Variants in AGBL4 observed in about 807,000 individuals in gnomAD.
AGBL4 encodes the protein cytosolic carboxypeptidase 6.
A neutral mutation model predicts 66.4 loss-of-function variants in AGBL4; 58 were observed. That is an observed-to-expected ratio of 0.87 (90% confidence interval 0.71 to 1.09). The LOEUF is 1.09. Among genes scored for constraint, AGBL4 ranks in the 50% least tolerant of loss-of-function variants. The pLI, the probability that AGBL4 is intolerant of heterozygous loss-of-function variation, is 0.00. For synonymous variants in AGBL4, 234 were observed against 222.9 expected (o/e 1.05, Z -0.44); for missense variants, 579 against 631.0 (o/e 0.92, Z 0.88).
Position 48,590,827 on chromosome 1 carries a change from G to C in AGBL4, c.1104+6C>G. The C allele has an allele frequency of 6.3e-7, 1 of 1,594,562 alleles. No individual in the cohort carries two copies. On this transcript the variant is annotated splice_donor_region_variant and intron_variant, in intron 10 of 13. Transcript: ENST00000371839. Reference sequence around the variant, plus strand: ...GGGGCTGGCTGAGAGAGAACTCCTGGCTTACATAGGAGAAGTCCTCAGCAT... The same window carrying C: ...GGGGCTGGCTGAGAGAGAACTCCTGCCTTACATAGGAGAAGTCCTCAGCAT...
At chr1:48,600,960 C>T (rs915664359) in intron 9 of AGBL4, among the ~76,000 whole-genome samples, 2 of 152,184 alleles carry the variant, frequency 1.3e-5, no homozygotes, top group African/African-American at 4.8e-5. Context: ...TGCTTCCATT[C>T]CCTTTCTCCA....
chr1:49,946,142 A>G (rs1202507822), intron 1 of AGBL4, among the ~76,000 whole-genome samples: 6 of 151,322 alleles, frequency 4.0e-5, no homozygotes, highest in Non-Finnish European at 8.9e-5. Flanking sequence ...ACAGCACTAG[A>G]CAGGTCAAGA....
At chr1:49,730,638 C>T (rs1296162255) in intron 2 of AGBL4, among the ~76,000 whole-genome samples, 1 of 152,144 alleles carries the variant, frequency 6.6e-6, no homozygotes, top group African/African-American at 2.4e-5. Flanking sequence ...GATGCTGGCA[C>T]CCAAGATGGA....
intron 3 of AGBL4, among the ~76,000 whole-genome samples, chr1:49,315,562 C>T (rs1645025338): frequency 6.6e-6 from 1 of 152,012 alleles, no homozygotes; most frequent in Non-Finnish European, 1.5e-5. Context: ...AAAACAACCC[C>T]ATCAAAAAGT....
chr1:49,481,745 G>A (rs1244328884), intron 3 of AGBL4, among the ~76,000 whole-genome samples: 3 of 151,868 alleles, frequency 2.0e-5, no homozygotes, highest in African/African-American at 4.8e-5. Flanking sequence ...CATTCAGTAT[G>A]GTGTTGGCCG....
rs1171374859 is a variant in AGBL4, at chr1:49,530,273, C to CAAAAAAAAAAAAAAA, written c.282+167039_282+167040insTTTTTTTTTTTTTTT. Among the ~76,000 whole-genome samples, 3 of 111,928 alleles carry CAAAAAAAAAAAAAAA rather than the reference C, an allele frequency of 2.7e-5. 1 individual carries two copies. Among genetic ancestry groups the CAAAAAAAAAAAAAAA allele is most frequent in the African/African-American group, 3.6e-5 (1 of 27,694 alleles). 73.4% of individuals were successfully genotyped at this position (111,928 alleles called of 152,430 possible). A position where few individuals can be genotyped will look rare whatever the true frequency, so the allele number is the denominator to read the frequency against. Reference sequence around the variant, plus strand: ...AGTAGAATTTGTAAAAAAAAAAAAACAAAAAAAAACTCTATGAGTTTTTTT... The same window carrying CAAAAAAAAAAAAAAA: ...AGTAGAATTTGTAAAAAAAAAAAAACAAAAAAAAAAAAAAAAAAAAAAAACTCTATGAGTTTTTTT... On this transcript the variant is annotated intron_variant, in intron 3 of 13. Transcript: ENST00000371839.
intron 5 of AGBL4, among the ~76,000 whole-genome samples, chr1:48,892,590 C>T (rs547434164): frequency 1.3e-5 from 2 of 152,310 alleles, no homozygotes; most frequent in Admixed American, 6.5e-5. Context: ...CGGGGCAACA[C>T]TTGAAGCGGG....
At chr1:49,815,514 T>A (rs914939459) in intron 2 of AGBL4, among the ~76,000 whole-genome samples, 7 of 152,186 alleles carry the variant, frequency 4.6e-5, no homozygotes, top group Non-Finnish European at 8.8e-5. Flanking sequence ...ACTGATTTCC[T>A]CTCTTTGGGG....
Position 48,587,017 on chromosome 1 carries a change from G to A in AGBL4, c.1254C>T (p.Tyr418=), listed in dbSNP as rs1644832701. Residue 418 remains tyrosine, a synonymous_variant, in exon 11 of 14, where the codon TAC becomes TAT. Transcript: ENST00000371839. Reference sequence around the variant, plus strand: ...GACTAAGGATACAGGCTTCTTCAGTGTAGGGCACAGCAGCCGTGGTGCCAC... The same window carrying A: ...GACTAAGGATACAGGCTTCTTCAGTATAGGGCACAGCAGCCGTGGTGCCAC... The part of the protein sequence containing the change: ...IISGTTAAVP[Y]TEEAYMKLGR... The A allele has an allele frequency of 1.2e-6, 2 of 1,610,256 alleles. No homozygotes were observed. The highest frequency in any genetic ancestry group is 1.7e-6 in the Non-Finnish European group (2 of 1,178,512).
chr1:48,617,935 T>C (rs1645346919), intron 9 of AGBL4, among the ~76,000 whole-genome samples: 2 of 152,232 alleles, frequency 1.3e-5, no homozygotes, highest in African/African-American at 4.8e-5. Context: ...TTGCCACTCC[T>C]GTTCCTCTCT....
At chr1:49,650,885 C>T (rs1645990532) in intron 3 of AGBL4, among the ~76,000 whole-genome samples, 1 of 152,160 alleles carries the variant, frequency 6.6e-6, no homozygotes, top group Non-Finnish European at 1.5e-5. Flanking sequence ...GCTTTCTCTG[C>T]TGGGGGCTGA....
chr1:48,644,481 A>G (rs1645804337), intron 8 of AGBL4, among the ~76,000 whole-genome samples: 1 of 152,164 alleles, frequency 6.6e-6, no homozygotes, highest in Admixed American at 6.5e-5. Context: ...AGCCCACCTC[A>G]TATTCCCCAG....
At position 49,944,852 on chromosome 1, in the gene AGBL4, G is replaced by T. The variant is rs138120723; in HGVS notation, c.34+78911C>A. ...GAGGGGAGAAATCTTCAGTGAAATA[G>T]ATAGCATAAATAAAAAACAATCAAA... On this transcript the variant is annotated intron_variant, in intron 1 of 13. Transcript: ENST00000371839. 5.1e-3 allele frequency among the ~76,000 whole-genome samples: 778 copies of T among 151,904 alleles called. 6 individuals are homozygous for T. The highest frequency in any genetic ancestry group is 0.017 in the Middle Eastern group (5 of 294).
chr1:49,161,295 G>A (rs1646536863), intron 4 of AGBL4, among the ~76,000 whole-genome samples: 1 of 152,118 alleles, frequency 6.6e-6, no homozygotes, highest in Admixed American at 6.5e-5. Flanking sequence ...GCTTCCCTTG[G>A]TTAGGAGAGG....
At chr1:48,674,078 C>T (rs991941241) in intron 6 of AGBL4, among the ~76,000 whole-genome samples, 1 of 152,190 alleles carries the variant, frequency 6.6e-6, no homozygotes, top group African/African-American at 2.4e-5. Context: ...CCCACGCTCG[C>T]CTCTTACTGT....
intron 3 of AGBL4, among the ~76,000 whole-genome samples, chr1:49,286,502 A>T (rs946691194): frequency 1.3e-5 from 2 of 152,202 alleles, no homozygotes; most frequent in African/African-American, 4.8e-5. Flanking sequence ...CTGATAAGCA[A>T]CTTCAGCAAA....
At chr1:48,907,803 AC>A (rs1262286714) in intron 5 of AGBL4, among the ~76,000 whole-genome samples, 1 of 152,080 alleles carries the variant, frequency 6.6e-6, no homozygotes, top group Non-Finnish European at 1.5e-5. Flanking sequence ...GGTGCTGAGG[AC>A]CCTGATGAGA....
At chr1:48,542,321 T>C (rs746455601) in intron 11 of AGBL4, among the ~76,000 whole-genome samples, 15 of 152,224 alleles carry the variant, frequency 9.9e-5, no homozygotes, top group Non-Finnish European at 1.8e-4. Context: ...TGTGTCTTTA[T>C]AGTAGAATGA....
chr1:49,870,204 C>A (rs940476381), intron 1 of AGBL4, among the ~76,000 whole-genome samples: 1 of 152,060 alleles, frequency 6.6e-6, no homozygotes, highest in African/African-American at 2.4e-5. Context: ...AAAACACAAT[C>A]TTTTGGCTAT....
Sources: gnomAD v4.1 joint callset for allele counts (sites outside exome capture counted in the v4.1 genomes callset) on GRCh38, gnomAD v4.1.1 for gene constraint, MANE v1.5 for transcripts, NCBI Gene and HGNC (gene_info 2026-07-23, HGNC 2026-07-21) for gene names.